SORL1: variants seen among roughly 807,000 people sequenced by gnomAD.
The protein encoded by SORL1 is sortilin related receptor 1.
SORL1 carries 127 observed loss-of-function variants against 273.7 expected under a neutral mutation model. That is an observed-to-expected ratio of 0.46 (90% confidence interval 0.40 to 0.54). SORL1 has a LOEUF of 0.54. Ranked by LOEUF, SORL1 falls within the 20% of genes least tolerant of loss-of-function variation. SORL1 has a pLI of 0.00. For missense variants in SORL1, 2,494 were observed against 2,846.1 expected, an observed-to-expected ratio of 0.88 and a Z score of 2.81; for synonymous variants, 1,031 against 1,067.4, an observed-to-expected ratio of 0.97 and a Z score of 0.66.
intron 11 of SORL1, among the ~76,000 whole-genome samples, chr11:121,532,211 AT>A (rs1444546475): frequency 1.3e-5 from 2 of 152,218 alleles, no homozygotes; most frequent in Non-Finnish European, 2.9e-5. Context: ...TACCATTTTA[AT>A]ATTAAGCCCG....
intron 25 of SORL1, among the ~76,000 whole-genome samples, chr11:121,579,645 C>G (rs1342085328): frequency 1.3e-5 from 2 of 152,208 alleles, no homozygotes; most frequent in African/African-American, 4.8e-5. Flanking sequence ...TGATCCAAAT[C>G]TCTGCCTACA....
chr11:121,612,434 C>T, intron 39 of SORL1: 1 of 232,564 alleles, frequency 4.3e-6, no homozygotes, highest in South Asian at 5.6e-5. Context: ...CCAGTGTTTC[C>T]TCTTTCTACC....
rs145013559 is a variant in SORL1, at chr11:121,483,666, T to G, written c.529-4366T>G. ...TTTGGGAAGCACCTTGTAGGTCAGC[T>G]CTTGGTCAGTCTGTAGGTTTGGCCT... On this transcript the variant is annotated intron_variant, in intron 3 of 47. Transcript: ENST00000260197. 3.0e-3 allele frequency among the ~76,000 whole-genome samples: 463 copies of G among 152,238 alleles called. 5 individuals are homozygous for G. The highest frequency in any genetic ancestry group is 0.011 in the African/African-American group (441 of 41,544).
intron 11 of SORL1, among the ~76,000 whole-genome samples, chr11:121,529,451 A>C (rs1290812133): frequency 2.0e-5 from 3 of 152,192 alleles, no homozygotes; most frequent in Non-Finnish European, 4.4e-5. Context: ...TCCTGACCTC[A>C]AGTGATCCAC....
Position 121,555,326 on chromosome 11 carries a change from T to C in SORL1, c.2571+8T>C. The C allele has an allele frequency of 6.2e-7, 1 of 1,613,408 alleles. No individual in the cohort carries two copies. Among genetic ancestry groups the C allele is most frequent in the Non-Finnish European group, 8.5e-7 (1 of 1,179,472 alleles). On this transcript the variant is annotated splice_region_variant and intron_variant, in intron 18 of 47. Coordinates refer to ENST00000260197, the MANE Select transcript of SORL1 (RefSeq NM_003105.6). ...GGCTTCAAAAAGATTGAGGTATGTG[T>C]ATTTTCGTGCTGTTCTTAATTAAGG...
At chr11:121,455,056 A>G (rs535795075) in intron 1 of SORL1, among the ~76,000 whole-genome samples, 2 of 152,310 alleles carry the variant, frequency 1.3e-5, no homozygotes, top group South Asian at 4.1e-4. Flanking sequence ...AGGAATGGTG[A>G]TGTTTTCCAA....
intron 11 of SORL1, among the ~76,000 whole-genome samples, 185 bp downstream of exon 11, chr11:121,523,174 A>T (rs931432607): frequency 1.3e-5 from 2 of 152,200 alleles, no homozygotes; most frequent in Non-Finnish European, 2.9e-5. Flanking sequence ...ACTTTAAATT[A>T]AACACAGACC....
intron 18 of SORL1, among the ~76,000 whole-genome samples, chr11:121,555,972 G>T (rs1158870854): frequency 6.6e-6 from 1 of 152,186 alleles, no homozygotes; most frequent in African/African-American, 2.4e-5. Context: ...AAGTGCAGTA[G>T]AAGCAGGGAG....
intron 5 of SORL1, among the ~76,000 whole-genome samples, chr11:121,495,846 C>T (rs917566996): frequency 4.6e-5 from 7 of 152,198 alleles, no homozygotes; most frequent in Non-Finnish European, 8.8e-5. Flanking sequence ...GAAAGTATCT[C>T]TTCAGCTAGG....
chr11:121,574,387 A>G, intron 24 of SORL1, 24 bp downstream of exon 24: 1 of 1,610,338 alleles, frequency 6.2e-7, no homozygotes, highest in Non-Finnish European at 8.5e-7. Flanking sequence ...ACATCCTGAA[A>G]CCCTGCTCTG....
chr11:121,513,950 C>T (rs1344183569), intron 7 of SORL1, among the ~76,000 whole-genome samples: 2 of 152,188 alleles, frequency 1.3e-5, no homozygotes, highest in African/African-American at 4.8e-5. Flanking sequence ...CAGTAAGGGG[C>T]CCGCTAAGCT....
chr11:121,536,429 T>G (rs905728417), intron 12 of SORL1, among the ~76,000 whole-genome samples: 58 of 132,942 alleles, frequency 4.4e-4, no homozygotes, highest in African/African-American at 1.3e-3. Context: ...ATCACTGTGT[T>G]TTTTTTTTTT....
chr11:121,460,608 G>A (rs1217143903), intron 1 of SORL1, among the ~76,000 whole-genome samples: 5 of 152,070 alleles, frequency 3.3e-5, no homozygotes, highest in Admixed American at 6.6e-5. Flanking sequence ...ATATTGGCCA[G>A]GCTGGTCTCG....
Position 121,614,868 on chromosome 11 carries a change from C to T in SORL1, c.5420-3C>T. 6.2e-7 allele frequency: 1 copy of T among 1,611,592 alleles called. No individual in the cohort carries two copies. The highest frequency in any genetic ancestry group is 8.5e-7 in the Non-Finnish European group (1 of 1,178,828). On this transcript the variant is annotated splice_polypyrimidine_tract_variant and splice_region_variant and intron_variant, in intron 40 of 47. Coordinates refer to ENST00000260197, the MANE Select transcript of SORL1 (RefSeq NM_003105.6). ...CTGGAATCTCCTTTTCCTGTTTTCA[C>T]AGTTGGCAATCTGACAGCTCATACA...
At chr11:121,591,342 G>GATC (rs1463688482) in intron 31 of SORL1, among the ~76,000 whole-genome samples, 186 bp downstream of exon 31, 1 of 152,186 alleles carries the variant, frequency 6.6e-6, no homozygotes, top group Non-Finnish European at 1.5e-5. Flanking sequence ...TTTTTTCCTG[G>GATC]ATCATAGATG....
In SORL1 at chr11:121,583,477, G is replaced by C. The variant is rs567772557; in HGVS notation, c.3600G>C (p.Glu1200Asp). ...TTACAGCCATCTATCACACCTGTGA[G>C]GCCTCCAACTTCCAGTGCCGAAACG... ...ANCTAIYHTC[E>D]ASNFQCRNGH... The change falls in exon 26 of 48, where the codon GAG becomes GAC. Residue 1200 changes from glutamate to aspartate, a missense_variant. By Grantham distance (45) the Glu-to-Asp change is conservative. Around this residue, in one of 3 missense-constraint regions of SORL1, gnomAD observed 1,609 missense variants for 1,816.4 expected, o/e 0.89. Transcript: ENST00000260197. 1.8e-5 allele frequency: 29 copies of C among 1,612,894 alleles called. No homozygotes were observed. In the East Asian group the frequency reaches 5.8e-4, roughly 32 times the overall value.
rs138505457 is a variant in SORL1, at chr11:121,463,740, G to C, written c.286-6267G>C. ...CTCAAAAGTCAAGTGAGTGAGCTGA[G>C]ATTCCATGAACTGGGCCTCTCTTCC... On this transcript the variant is annotated intron_variant, in intron 1 of 47. Coordinates refer to ENST00000260197, the MANE Select transcript of SORL1 (RefSeq NM_003105.6). Among the ~76,000 whole-genome samples the C allele has an allele frequency of 3.9e-3, 598 of 152,300 alleles. 26 individuals are homozygous for C. Among genetic ancestry groups the C allele is most frequent in the Non-Finnish European group, 4.9e-4 (33 of 68,006 alleles).
chr11:121,545,125 T>G, intron 13 of SORL1, 118 bp from the exon 14 acceptor site: 1 of 861,340 alleles, frequency 1.2e-6, no homozygotes, highest in South Asian at 1.6e-5. Flanking sequence ...TCTGTGTGCT[T>G]GCGGGGTGGC....
At chr11:121,601,041 C>T (rs1863381471) in intron 32 of SORL1, among the ~76,000 whole-genome samples, 1 of 111,364 alleles carries the variant, frequency 9.0e-6, no homozygotes, top group South Asian at 3.7e-4. Flanking sequence ...TGCTATCCCT[C>T]CCCCCTCCCC....
Sources: allele counts gnomAD v4.1 joint callset (sites outside exome capture counted in the v4.1 genomes callset), GRCh38; gene constraint gnomAD v4.1.1; regional missense constraint gnomAD v4.1.1; transcripts MANE v1.5; gene names NCBI Gene and HGNC (gene_info 2026-07-23, HGNC 2026-07-21).